Variants in EYA2 observed in about 807,000 individuals in gnomAD.
The protein encoded by EYA2 is EYA transcriptional coactivator and phosphatase 2, also known as protein phosphatase EYA2.
EYA2 carries 31 observed loss-of-function variants against 69.2 expected under a neutral mutation model. That is an observed-to-expected ratio of 0.45 (90% CI 0.34 to 0.60). The LOEUF is 0.60. Among genes scored for constraint, EYA2 ranks in the 20% least tolerant of loss-of-function variants. The pLI is 0.02. For synonymous variants in EYA2, 257 were observed against 279.4 expected (o/e 0.92, Z 0.80); for missense variants, 622 against 701.2 (o/e 0.89, Z 1.28).
intron 1 of EYA2, among the ~76,000 whole-genome samples, chr20:46,924,479 G>A (rs921284349): frequency 4.6e-5 from 7 of 152,062 alleles, no homozygotes; most frequent in Admixed American, 4.6e-4. Flanking sequence ...GACCATCCTG[G>A]CTAACACGGT....
chr20:47,044,040 G>T (rs909615104), intron 5 of EYA2, among the ~76,000 whole-genome samples: 2 of 152,328 alleles, frequency 1.3e-5, no homozygotes, highest in African/African-American at 4.8e-5. Context: ...CACTAGGAAA[G>T]TGTTCATAGG....
chr20:46,966,538 G>T (rs1226533535), intron 1 of EYA2, among the ~76,000 whole-genome samples: 1 of 152,186 alleles, frequency 6.6e-6, no homozygotes, highest in African/African-American at 2.4e-5. Flanking sequence ...GCCTGGCGCG[G>T]TGGCTCACAC....
intron 5 of EYA2, among the ~76,000 whole-genome samples, chr20:47,033,336 A>G (rs1298415028): frequency 6.6e-6 from 1 of 152,224 alleles, no homozygotes; most frequent in Non-Finnish European, 1.5e-5. Flanking sequence ...TTTGCAGGCT[A>G]TACAGTCTCT....
chr20:46,972,096 G>C (rs1980181456), intron 1 of EYA2, among the ~76,000 whole-genome samples: 7 of 152,154 alleles, frequency 4.6e-5, no homozygotes, highest in Admixed American at 4.6e-4. Flanking sequence ...GATCAAGAAA[G>C]GAATCTCTGA....
chr20:47,034,016 T>G (rs1984560504), intron 5 of EYA2, among the ~76,000 whole-genome samples: 1 of 152,218 alleles, frequency 6.6e-6, no homozygotes, highest in African/African-American at 2.4e-5. Flanking sequence ...TTTCAGCCCT[T>G]CTGATTCAGT....
At chr20:47,068,907 A>G (rs1166544457) in intron 5 of EYA2, among the ~76,000 whole-genome samples, 1 of 152,182 alleles carries the variant, frequency 6.6e-6, no homozygotes, top group Admixed American at 6.5e-5. Flanking sequence ...ACCAGCAACT[A>G]GTGTGAATGT....
chr20:46,993,185 G>A (rs901066925), intron 2 of EYA2, among the ~76,000 whole-genome samples: 11 of 152,148 alleles, frequency 7.2e-5, no homozygotes, highest in Admixed American at 2.6e-4. Context: ...TTATTCCACC[G>A]ACCTCACAGA....
intron 12 of EYA2, among the ~76,000 whole-genome samples, chr20:47,175,250 C>T (rs1032355146): frequency 6.6e-6 from 1 of 152,202 alleles, no homozygotes; most frequent in Non-Finnish European, 1.5e-5. Context: ...CAGATCCCCA[C>T]GATTCCAAGT....
chr20:46,952,695 A>C (rs1162749903), intron 1 of EYA2, among the ~76,000 whole-genome samples: 1 of 152,160 alleles, frequency 6.6e-6, no homozygotes, highest in East Asian at 1.9e-4. Context: ...TGGAGGCATC[A>C]CCTGGAGCTC....
chr20:46,990,567 C>A (rs1461288310), intron 2 of EYA2, among the ~76,000 whole-genome samples: 1 of 152,160 alleles, frequency 6.6e-6, no homozygotes, highest in Non-Finnish European at 1.5e-5. Context: ...GCTTTCAGGT[C>A]GGGTTGGAGT....
intron 5 of EYA2, among the ~76,000 whole-genome samples, chr20:47,064,834 C>A (rs1022228646): frequency 3.9e-5 from 6 of 152,168 alleles, no homozygotes; most frequent in African/African-American, 1.4e-4. Flanking sequence ...ATAGCATCCC[C>A]AGCACAGTGT....
At chr20:47,166,146 T>C (rs1426789935) in intron 10 of EYA2, among the ~76,000 whole-genome samples, 2 of 152,012 alleles carry the variant, frequency 1.3e-5, no homozygotes, top group Non-Finnish European at 2.9e-5. Context: ...ATGCCTGCAA[T>C]CTTAGCACTT....
At chr20:47,026,510 C>G (rs1193570012) in intron 5 of EYA2, among the ~76,000 whole-genome samples, 1 of 149,998 alleles carries the variant, frequency 6.7e-6, no homozygotes, top group African/African-American at 2.5e-5. Context: ...AACAAGCAAA[C>G]AAACAAAAAA....
At chr20:46,992,298 C>T (rs1287517654) in intron 2 of EYA2, among the ~76,000 whole-genome samples, 1 of 152,134 alleles carries the variant, frequency 6.6e-6, no homozygotes, top group Non-Finnish European at 1.5e-5. Context: ...GACGAGGAAA[C>T]CAAAATGCAG....
chr20:46,955,716 A>G lies in EYA2; in HGVS notation c.-10-34285A>G, dbSNP rs141100272. On this transcript the variant is annotated intron_variant, in intron 1 of 15. Transcript: ENST00000327619. ...CCACAATTTGCTAGTCTCCACTTTC[A>G]TAATCTCGACATTTTTTCACTGTTA... 2.3e-3 allele frequency among the ~76,000 whole-genome samples: 357 copies of G among 152,328 alleles called. 1 individual carries two copies. The highest frequency in any genetic ancestry group is 8.1e-3 in the African/African-American group (336 of 41,574).
intron 10 of EYA2, among the ~76,000 whole-genome samples, chr20:47,162,912 C>T (rs2034100137): frequency 1.3e-5 from 2 of 152,072 alleles, no homozygotes; most frequent in African/African-American, 4.8e-5. Flanking sequence ...CTGCTGCTTC[C>T]AGCCAGATGT....
intron 1 of EYA2, among the ~76,000 whole-genome samples, chr20:46,948,838 A>G (rs1978631529): frequency 6.6e-6 from 1 of 152,206 alleles, no homozygotes; most frequent in Non-Finnish European, 1.5e-5. Flanking sequence ...TTCAAGCTTG[A>G]GATGATCGCT....
At chr20:47,086,614 G>A (rs943221246) in intron 7 of EYA2, among the ~76,000 whole-genome samples, 1 of 152,082 alleles carries the variant, frequency 6.6e-6, no homozygotes, top group Non-Finnish European at 1.5e-5. Flanking sequence ...CCGGGGAGGG[G>A]AGATGGTGCT....
At chr20:46,928,296 C>T (rs943840582) in intron 1 of EYA2, among the ~76,000 whole-genome samples, 2 of 152,196 alleles carry the variant, frequency 1.3e-5, no homozygotes, top group African/African-American at 4.8e-5. Flanking sequence ...CTGCTGTGAG[C>T]ATGTGTCTCT....
Sources: allele counts gnomAD v4.1 joint callset (sites outside exome capture counted in the v4.1 genomes callset), GRCh38; gene constraint gnomAD v4.1.1; transcripts MANE v1.5; gene names NCBI Gene and HGNC (gene_info 2026-07-23, HGNC 2026-07-21).